MAP3K13: variants seen among roughly 807,000 people sequenced by gnomAD.
The protein encoded by MAP3K13 is leucine zipper-bearing kinase.
A neutral mutation model predicts 104.0 loss-of-function variants in MAP3K13; 52 were observed. That is an observed-to-expected ratio of 0.50 (90% CI 0.40 to 0.63). The LOEUF is 0.63. MAP3K13 is among the 20% of genes least tolerant of loss of function. The pLI is 0.00. For synonymous variants in MAP3K13, 394 were observed against 442.2 expected (o/e 0.89, Z 1.37); for missense variants, 914 against 1,218.5 (o/e 0.75, Z 3.72).
Position 185,486,419 on chromosome 3 carries a change from A to G in MAP3K13, c.*3963A>G, listed in dbSNP as rs1004898067. The G allele has an allele frequency of 6.6e-6, 1 of 152,272 alleles. No homozygotes were observed. The highest frequency in any genetic ancestry group is 1.9e-4 in the East Asian group (1 of 5,188). 9.4% of individuals were successfully genotyped at this position (152,272 alleles called of 1,614,324 possible). On this transcript the variant is annotated 3_prime_UTR_variant, in exon 14 of 14. Transcript: ENST00000265026. ...GAATAAGGTCCTTAGTGGAGGTTAA[A>G]AAGGGAAATACCTTCTCTAGCCCAG...
In MAP3K13 at chr3:185,336,632, T is replaced by C. The variant is rs187782481; in HGVS notation, c.-86+50989T>C. Among the ~76,000 whole-genome samples, 47 of 151,344 alleles carry C rather than the reference T, an allele frequency of 3.1e-4. 1 individual carries two copies. Among genetic ancestry groups the C allele is most frequent in the Non-Finnish European group, 5.9e-5 (4 of 67,904 alleles). On this transcript the variant is annotated intron_variant, in intron 2 of 14. Transcript: ENST00000424227. ...AACTACTGTTATAGATATCAGTTTC[T>C]CCTGAATGTGGAAAGCTAATAATGA...
intron 12 of MAP3K13, among the ~76,000 whole-genome samples, chr3:185,479,368 C>A (rs1718318987): frequency 6.6e-6 from 1 of 152,128 alleles, no homozygotes; most frequent in Non-Finnish European, 1.5e-5. Context: ...CTCAGCTCTG[C>A]CTTTTCTCAT....
intron 2 of MAP3K13, among the ~76,000 whole-genome samples, chr3:185,286,666 A>AAGAACTTT (rs1720525589): frequency 6.6e-6 from 1 of 152,136 alleles, no homozygotes. Flanking sequence ...AAACAATAAA[A>AAGAACTTT]AGAACTTTAC....
chr3:185,343,792 G>C (rs1030661396), intron 2 of MAP3K13, among the ~76,000 whole-genome samples: 4 of 152,114 alleles, frequency 2.6e-5, no homozygotes, highest in Non-Finnish European at 2.9e-5. Flanking sequence ...TAAAAATCAG[G>C]AGGGTAAAAG....
chr3:185,288,483 A>ATG (rs1434642398), intron 2 of MAP3K13, among the ~76,000 whole-genome samples: 2 of 147,076 alleles, frequency 1.4e-5, no homozygotes, highest in African/African-American at 2.5e-5. Context: ...CCAGAAATAT[A>ATG]TGTGTGTGTA....
chr3:185,417,947 T>G, intron 1 of MAP3K13: 2 of 1,606,858 alleles, frequency 1.2e-6, no homozygotes, highest in Non-Finnish European at 1.7e-6. Flanking sequence ...ATGGGAAGAT[T>G]GTAGTTACTC....
chr3:185,325,292 G>A (rs1722008664), intron 2 of MAP3K13, among the ~76,000 whole-genome samples: 1 of 152,092 alleles, frequency 6.6e-6, no homozygotes, highest in South Asian at 2.1e-4. Flanking sequence ...AGAATGAGGG[G>A]GTTCTCTCAC....
intron 1 of MAP3K13, among the ~76,000 whole-genome samples, chr3:185,395,074 T>C (rs1712298990): frequency 6.6e-6 from 1 of 152,186 alleles, no homozygotes; most frequent in Non-Finnish European, 1.5e-5. Context: ...TTAGTACTGA[T>C]CTCCTTTGCT....
intron 2 of MAP3K13, among the ~76,000 whole-genome samples, chr3:185,288,580 G>A (rs1024963554): frequency 6.6e-5 from 10 of 150,800 alleles, no homozygotes; most frequent in Admixed American, 2.7e-4. Flanking sequence ...AAGTTATTGA[G>A]TTAGTCAATG....
intron 2 of MAP3K13, chr3:185,329,286 G>A (rs1271514889): frequency 7.1e-6 from 5 of 702,648 alleles, no homozygotes; most frequent in East Asian, 2.7e-5. Context: ...TTGTTTCTAA[G>A]CAGTGCTTAG....
At chr3:185,479,896 G>A (rs1179687936) in intron 12 of MAP3K13, among the ~76,000 whole-genome samples, 1 of 152,172 alleles carries the variant, frequency 6.6e-6, no homozygotes, top group Non-Finnish European at 1.5e-5. Context: ...AGGGAGGAAT[G>A]GAGAGAATCT....
intron 7 of MAP3K13, among the ~76,000 whole-genome samples, chr3:185,463,153 A>G (rs1368558147): frequency 6.6e-6 from 1 of 152,218 alleles, no homozygotes; most frequent in Non-Finnish European, 1.5e-5. Context: ...GATGTTCGTA[A>G]TCTCACATGC....
chr3:185,460,033 C>A (rs549361958), intron 7 of MAP3K13, among the ~76,000 whole-genome samples: 1 of 152,310 alleles, frequency 6.6e-6, no homozygotes, highest in African/African-American at 2.4e-5. Flanking sequence ...TTTTGTAGCA[C>A]GTGTCACAAC....
intron 1 of MAP3K13, among the ~76,000 whole-genome samples, chr3:185,283,337 G>C (rs1720378045): frequency 6.6e-6 from 1 of 152,094 alleles, no homozygotes. Context: ...CGGAGCCTGG[G>C]GCACTGAGAT....
chr3:185,385,527 CA>C (rs58543659), intron 1 of MAP3K13, among the ~76,000 whole-genome samples: 17,239 of 151,356 alleles, frequency 0.11, 1,327 homozygotes, highest in African/African-American at 0.19. Flanking sequence ...CAAACTATTC[CA>C]AAAAAAATGA....
At chr3:185,399,859 C>A (rs1477699834) in intron 1 of MAP3K13, among the ~76,000 whole-genome samples, 3 of 152,152 alleles carry the variant, frequency 2.0e-5, no homozygotes, top group East Asian at 3.9e-4. Context: ...CCGCCCTGCA[C>A]CCCCTCTGCT....
chr3:185,344,901 A>C (rs1176052745), intron 2 of MAP3K13, among the ~76,000 whole-genome samples: 1 of 129,664 alleles, frequency 7.7e-6, no homozygotes, highest in African/African-American at 3.6e-5. Context: ...TTTTTTTTTG[A>C]GACAGAGTCT....
chr3:185,361,082 A>G (rs1723591786), upstream of MAP3K13, among the ~76,000 whole-genome samples: 1 of 94,226 alleles, frequency 1.1e-5, no homozygotes, highest in Non-Finnish European at 2.3e-5. Context: ...GTATATGTGT[A>G]TGTGTATATA....
Position 185,437,000 on chromosome 3 carries a change from C to CAAAAA in MAP3K13, c.476-419_476-415dup, listed in dbSNP as rs58819806. Among the ~76,000 whole-genome samples, 68 of 36,966 alleles carry CAAAAA rather than the reference C, an allele frequency of 1.8e-3. 3 individuals are homozygous for CAAAAA. The highest frequency in any genetic ancestry group is 2.6e-3 in the Non-Finnish European group (57 of 21,614). The allele number at this position is 36,966 out of a possible 152,430, so 24.3% of individuals were successfully genotyped here. Reference sequence around the variant, plus strand: ...TGGGTGACAGAGCAAGACTCTGTCTCAAAAAAAAAAAAAAAAAAAAAAAAA... The same window carrying CAAAAA: ...TGGGTGACAGAGCAAGACTCTGTCTCAAAAAAAAAAAAAAAAAAAAAAAAAAAAAA... On this transcript the variant is annotated intron_variant, in intron 2 of 13. Transcript: ENST00000265026.
Sources: gnomAD v4.1 joint callset for allele counts (sites outside exome capture counted in the v4.1 genomes callset) on GRCh38, gnomAD v4.1.1 for gene constraint, MANE v1.5 for transcripts, NCBI Gene and HGNC (gene_info 2026-07-23, HGNC 2026-07-21) for gene names.